The following SMAD9 variants were observed in gnomAD, a reference collection of about 807,000 sequenced individuals.
The protein encoded by SMAD9 is MAD homolog 9.
SMAD9 carries 36 observed loss-of-function variants against 46.1 expected under a neutral mutation model. The ratio of observed to expected loss-of-function variants is 0.78; its 90% CI spans 0.60 to 1.03. The LOEUF is 1.03. SMAD9 is among the 50% of genes least tolerant of loss of function. The pLI is 0.00. For missense variants in SMAD9, 572 were observed against 599.8 expected (o/e 0.95, Z 0.48); for synonymous variants, 245 against 237.1 (o/e 1.03, Z -0.31).
At chr13:36,869,801 C>G (rs1487254439) in intron 3 of SMAD9, among the ~76,000 whole-genome samples, 2 of 150,986 alleles carry the variant, frequency 1.3e-5, no homozygotes, top group East Asian at 2.0e-4. Flanking sequence ...TGCACTCCAG[C>G]CTGGGCAACA....
intron 3 of SMAD9, among the ~76,000 whole-genome samples, chr13:36,871,205 A>C (rs547967903): frequency 7.2e-5 from 11 of 152,154 alleles, no homozygotes; most frequent in African/African-American, 1.4e-4. Context: ...TATGGTCTGG[A>C]GCTCCATGTC....
rs202210181 is a variant in SMAD9 at position 36,897,582 on chromosome 13, AAGAAATT to A, written c.-186-17714_-186-17708del. Among the ~76,000 whole-genome samples the A allele has an allele frequency of 7.1e-3, 1,084 of 152,322 alleles. 12 individuals carry two copies. The highest frequency in any genetic ancestry group is 0.025 in the African/African-American group (1,043 of 41,560). On this transcript the variant is annotated intron_variant, in intron 1 of 6. Coordinates refer to ENST00000379826, the MANE Select transcript of SMAD9 (RefSeq NM_001127217.3). ...CTGACAAAATGTGGGATATCTTCAGAAGAAATTAGAAAGTTAACATCTTCCTAAATAA... is the reference window on the plus strand; with the variant it reads ...CTGACAAAATGTGGGATATCTTCAGAAGAAAGTTAACATCTTCCTAAATAA...
intron 5 of SMAD9, among the ~76,000 whole-genome samples, chr13:36,860,652 AGT>A (rs1255675514): frequency 1.3e-5 from 2 of 151,608 alleles, no homozygotes; most frequent in East Asian, 3.9e-4. Context: ...ACGGGGTTTC[AGT>A]GTGTTAGCCA....
intron 1 of SMAD9, among the ~76,000 whole-genome samples, chr13:36,905,399 A>G (rs771404145): frequency 2.0e-5 from 3 of 152,174 alleles, no homozygotes; most frequent in Admixed American, 6.6e-5. Flanking sequence ...AGTTACTGCC[A>G]GATTTTCAGT....
At chr13:36,881,874 G>A (rs2058405673) in intron 1 of SMAD9, among the ~76,000 whole-genome samples, 1 of 152,172 alleles carries the variant, frequency 6.6e-6, no homozygotes, top group Non-Finnish European at 1.5e-5. Flanking sequence ...AAAGAGTTGT[G>A]AATTCTGCTT....
At chr13:36,858,747 A>C (rs1187796933) in intron 5 of SMAD9, among the ~76,000 whole-genome samples, 2 of 152,234 alleles carry the variant, frequency 1.3e-5, no homozygotes, top group African/African-American at 4.8e-5. Context: ...ACAAATCCAC[A>C]GCCCAGAAAT....
chr13:36,891,704 A>G (rs139841274), intron 1 of SMAD9, among the ~76,000 whole-genome samples: 2 of 152,264 alleles, frequency 1.3e-5, no homozygotes, highest in Admixed American at 1.3e-4. Context: ...CCTAGGGCAT[A>G]AGCTCAAGCT....
intron 5 of SMAD9, among the ~76,000 whole-genome samples, chr13:36,862,910 G>A (rs940774878): frequency 2.0e-4 from 30 of 152,190 alleles, no homozygotes; most frequent in African/African-American, 6.7e-4. Flanking sequence ...GTTGTATTTC[G>A]TGTCTGTCTT....
At chr13:36,892,664 A>G (rs1401481797) in intron 1 of SMAD9, among the ~76,000 whole-genome samples, 1 of 152,196 alleles carries the variant, frequency 6.6e-6, no homozygotes, top group African/African-American at 2.4e-5. Context: ...TTTTCTCAGT[A>G]GGTTTAAGTT....
intron 6 of SMAD9, among the ~76,000 whole-genome samples, chr13:36,851,412 T>A (rs1462663965): frequency 2.6e-5 from 4 of 152,328 alleles, no homozygotes; most frequent in South Asian, 2.1e-4. Flanking sequence ...CCCACCCTCA[T>A]GTGCAGATGA....
intron 1 of SMAD9, among the ~76,000 whole-genome samples, chr13:36,880,853 TAC>T (rs756950300): frequency 2.6e-4 from 39 of 152,330 alleles, no homozygotes; most frequent in South Asian, 4.1e-4. Context: ...TTTATGTTAA[TAC>T]AGTTTTTTTA....
At chr13:36,850,437 T>C (rs2058065141) in intron 6 of SMAD9, among the ~76,000 whole-genome samples, 11 of 152,196 alleles carry the variant, frequency 7.2e-5, no homozygotes, top group Admixed American at 7.2e-4. Context: ...TGGAGTGCAA[T>C]GGTGCGATCT....
chr13:36,861,672 G>A (rs1400501876), intron 5 of SMAD9, among the ~76,000 whole-genome samples: 1 of 148,838 alleles, frequency 6.7e-6, no homozygotes, highest in Non-Finnish European at 1.5e-5. Flanking sequence ...GCTTACACCT[G>A]TAATCCCAGC....
intron 4 of SMAD9, among the ~76,000 whole-genome samples, chr13:36,865,998 G>A (rs1253850969): frequency 4.6e-5 from 7 of 152,112 alleles, no homozygotes; most frequent in Admixed American, 6.6e-5. Context: ...CATGGCTAGA[G>A]CATTTATAAA....
chr13:36,880,093 T>C (rs2058390061), intron 1 of SMAD9, among the ~76,000 whole-genome samples: 1 of 152,104 alleles, frequency 6.6e-6, no homozygotes, highest in South Asian at 2.1e-4. Flanking sequence ...TCTTCAAATG[T>C]TTTAATTTTA....
chr13:36,895,980 A>G (rs1056722209), intron 1 of SMAD9, among the ~76,000 whole-genome samples: 26 of 152,346 alleles, frequency 1.7e-4, no homozygotes, highest in African/African-American at 5.0e-4. Flanking sequence ...CTAAATCAGA[A>G]GTAATGTGCA....
At chr13:36,899,534 A>T (rs2058556388) in intron 1 of SMAD9, among the ~76,000 whole-genome samples, 1 of 152,210 alleles carries the variant, frequency 6.6e-6, no homozygotes, top group South Asian at 2.1e-4. Flanking sequence ...CATTCATGAA[A>T]ATGACAAATT....
chr13:36,920,183 CA>C lies in SMAD9; in HGVS notation c.-255del, dbSNP rs1378075133. The C allele has an allele frequency of 1.4e-4, 9 of 65,402 alleles. No homozygotes were observed. The highest frequency in any genetic ancestry group is 3.2e-4 in the Non-Finnish European group (8 of 25,224). 4.1% of individuals were successfully genotyped at this position (65,402 alleles called of 1,614,324 possible). On this transcript the variant is annotated 5_prime_UTR_variant, in exon 1 of 7. Coordinates refer to ENST00000379826, the MANE Select transcript of SMAD9 (RefSeq NM_001127217.3). ...GCGGCGGGGACCGAGACAGCGGCTGCAGCAGCGGCGGCGGCGGCGGCGGCGG... is the reference window on the plus strand; with the variant it reads ...GCGGCGGGGACCGAGACAGCGGCTGCGCAGCGGCGGCGGCGGCGGCGGCGG...
intron 1 of SMAD9, among the ~76,000 whole-genome samples, chr13:36,886,307 C>T (rs1187485969): frequency 6.6e-6 from 1 of 152,242 alleles, no homozygotes; most frequent in African/African-American, 2.4e-5. Context: ...CCTGACAAGG[C>T]GAGACGGACA....
Sources: gnomAD v4.1 joint callset for allele counts (sites outside exome capture counted in the v4.1 genomes callset) on GRCh38, gnomAD v4.1.1 for gene constraint, MANE v1.5 for transcripts, NCBI Gene and HGNC (gene_info 2026-07-23, HGNC 2026-07-21) for gene names.